Variants in PIBF1 observed in about 807,000 individuals in gnomAD.
PIBF1 encodes the protein progesterone-induced-blocking factor 1.
Under a neutral mutation model 112.5 loss-of-function variants are expected in PIBF1, and 90 were observed. The ratio of observed to expected loss-of-function variants is 0.80; its 90% confidence interval spans 0.67 to 0.95. The LOEUF (loss-of-function observed/expected upper bound fraction) is 0.95, where lower values mean the gene tolerates loss of function less well. Among genes scored for constraint, PIBF1 ranks in the 40% least tolerant of loss-of-function variants. The probability of loss-of-function intolerance (pLI) is 0.00; values close to 1 mark genes in which losing one functional copy is unlikely to be tolerated. For missense variants in PIBF1, 915 were observed against 852.3 expected (o/e 1.07, Z -0.92); for synonymous variants, 301 against 288.6 (o/e 1.04, Z -0.44).
chr13:72,794,581 C>G (rs532319309), intron 3 of PIBF1, among the ~76,000 whole-genome samples: 17 of 152,214 alleles, frequency 1.1e-4, no homozygotes, highest in Admixed American at 1.1e-3. Flanking sequence ...GGTGGTCTTT[C>G]CCATGCTGTT....
chr13:72,910,670 T>G (rs1461250937), intron 12 of PIBF1, among the ~76,000 whole-genome samples: 1 of 152,156 alleles, frequency 6.6e-6, no homozygotes, highest in African/African-American at 2.4e-5. Flanking sequence ...AGAGAAGATA[T>G]ATATAAAAAT....
intron 2 of PIBF1, among the ~76,000 whole-genome samples, chr13:72,791,059 T>C (rs1312296008): frequency 6.6e-6 from 1 of 151,874 alleles, no homozygotes; most frequent in Non-Finnish European, 1.5e-5. Context: ...GTTTGTTTGT[T>C]TGTTTGTTTG....
chr13:73,004,520 G>A (rs2043973251), intron 17 of PIBF1, among the ~76,000 whole-genome samples: 1 of 95,648 alleles, frequency 1.0e-5, no homozygotes, highest in African/African-American at 3.2e-5. Context: ...AAAAGAAAAT[G>A]TGATATTCAC....
chr13:72,946,960 C>T (rs759114089), intron 14 of PIBF1, among the ~76,000 whole-genome samples: 5 of 152,292 alleles, frequency 3.3e-5, no homozygotes, highest in East Asian at 3.9e-4. Context: ...GTCTGGAAGA[C>T]GGTGGCCGTC....
At chr13:72,985,560 AAAAG>A (rs1462849409) in intron 16 of PIBF1, among the ~76,000 whole-genome samples, 1 of 151,616 alleles carries the variant, frequency 6.6e-6, no homozygotes, top group African/African-American at 2.4e-5. Flanking sequence ...CAGAAAAAGA[AAAAG>A]AAAATATTTG....
chr13:72,947,574 A>G (rs2042182772), intron 14 of PIBF1, among the ~76,000 whole-genome samples: 1 of 152,216 alleles, frequency 6.6e-6, no homozygotes, highest in South Asian at 2.1e-4. Flanking sequence ...GGCAGGCTGC[A>G]AATTTTCCAA....
At chr13:72,983,993 A>C (rs981083991) in intron 16 of PIBF1, among the ~76,000 whole-genome samples, 2 of 152,172 alleles carry the variant, frequency 1.3e-5, no homozygotes, top group African/African-American at 4.8e-5. Flanking sequence ...GATATAAATG[A>C]GTGTTTTTAA....
chr13:72,901,696 AAAAAC>A (rs1389337386), intron 11 of PIBF1, among the ~76,000 whole-genome samples: 6 of 152,006 alleles, frequency 3.9e-5, no homozygotes, highest in Non-Finnish European at 8.8e-5. Context: ...AAGAAAAAAA[AAAAAC>A]CAACCAGTAG....
At chr13:72,934,434 A>G (rs1029332884) in intron 14 of PIBF1, among the ~76,000 whole-genome samples, 3 of 152,126 alleles carry the variant, frequency 2.0e-5, no homozygotes, top group African/African-American at 4.8e-5. Context: ...AGTAGCTGGT[A>G]TTACAGGTGC....
intron 11 of PIBF1, among the ~76,000 whole-genome samples, chr13:72,904,851 AT>A (rs1166989480): frequency 3.3e-5 from 5 of 151,010 alleles, no homozygotes; most frequent in African/African-American, 7.3e-5. Context: ...TATGCACTGG[AT>A]TTTTTTTTAA....
chr13:72,893,444 T>C (rs1025669136), intron 10 of PIBF1, among the ~76,000 whole-genome samples: 2 of 152,144 alleles, frequency 1.3e-5, no homozygotes, highest in African/African-American at 4.8e-5. Flanking sequence ...AACAATGCCA[T>C]AGATTTAAAA....
At chr13:72,859,441 T>TA (rs1187865648) in intron 10 of PIBF1, among the ~76,000 whole-genome samples, 1 of 152,148 alleles carries the variant, frequency 6.6e-6, no homozygotes, top group Non-Finnish European at 1.5e-5. Flanking sequence ...AATTATTAAT[T>TA]AAAAAATGGG....
At chr13:72,938,260 A>G (rs1192724006) in intron 14 of PIBF1, among the ~76,000 whole-genome samples, 3 of 152,110 alleles carry the variant, frequency 2.0e-5, no homozygotes, top group Non-Finnish European at 4.4e-5. Flanking sequence ...AGCTCATGGT[A>G]TGTGTATGGT....
chr13:72,927,945 GTA>G (rs774258929), intron 13 of PIBF1, among the ~76,000 whole-genome samples: 7 of 87,858 alleles, frequency 8.0e-5, no homozygotes, highest in South Asian at 3.6e-4. Context: ...ATATATGTGT[GTA>G]TATATATATA....
chr13:72,947,334 G>A lies in PIBF1; in HGVS notation c.1833+16067G>A, dbSNP rs143045958. 8.7e-3 allele frequency among the ~76,000 whole-genome samples: 1,322 copies of A among 152,242 alleles called. 67 individuals are homozygous for A. Among genetic ancestry groups the A allele is most frequent in the East Asian group, 9.7e-3 (50 of 5,170 alleles). On this transcript the variant is annotated intron_variant, in intron 14 of 17. Transcript: ENST00000326291. Reference sequence around the variant, plus strand: ...GCTGGGATGCAGGGCACCATGTCCCGAAGCTGCATAGAGCAGGGGGGCCCT... The same window carrying A: ...GCTGGGATGCAGGGCACCATGTCCCAAAGCTGCATAGAGCAGGGGGGCCCT...
intron 16 of PIBF1, among the ~76,000 whole-genome samples, chr13:72,982,395 C>T (rs1201565286): frequency 4.6e-5 from 7 of 152,084 alleles, no homozygotes; most frequent in Admixed American, 4.6e-4. Context: ...GTGATCGTGC[C>T]ACTACAGTCC....
chr13:72,922,778 T>C (rs543372651), intron 13 of PIBF1, among the ~76,000 whole-genome samples: 39 of 152,328 alleles, frequency 2.6e-4, no homozygotes, highest in African/African-American at 8.2e-4. Context: ...TGGGGAAACT[T>C]GTACTCATTT....
At chr13:72,818,134 A>G (rs1224841407) in intron 5 of PIBF1, among the ~76,000 whole-genome samples, 1 of 151,940 alleles carries the variant, frequency 6.6e-6, no homozygotes, top group Non-Finnish European at 1.5e-5. Flanking sequence ...CCATGGAACT[A>G]CTCTCTGAAT....
At chr13:72,833,684 G>A (rs542432223) in intron 8 of PIBF1, among the ~76,000 whole-genome samples, 15 of 152,280 alleles carry the variant, frequency 9.9e-5, no homozygotes, top group South Asian at 6.2e-4. Flanking sequence ...GGTGTCTGTC[G>A]GTCCCTACTG....
Sources: allele counts gnomAD v4.1 joint callset (sites outside exome capture counted in the v4.1 genomes callset), GRCh38; gene constraint gnomAD v4.1.1; transcripts MANE v1.5; gene names NCBI Gene and HGNC (gene_info 2026-07-23, HGNC 2026-07-21).